The following ADARB2 variants were observed in gnomAD, a reference collection of about 807,000 sequenced individuals.
ADARB2 encodes inactive double-stranded RNA-specific editase B2.
In ADARB2, 25 loss-of-function variants were observed where a neutral mutation model predicts 62.2. The ratio of observed to expected loss-of-function variants is 0.40; its 90% CI spans 0.29 to 0.56. The LOEUF (loss-of-function observed/expected upper bound fraction) is 0.56. Among genes scored for constraint, ADARB2 ranks in the 20% least tolerant of loss-of-function variants. The pLI is 0.43. For missense variants in ADARB2, 1,071 were observed against 1,077.4 expected (o/e 0.99, Z 0.08); for synonymous variants, 572 against 500.8 (o/e 1.14, Z -1.90).
At chr10:1,241,992 A>C in intron 5 of ADARB2, 139 bp downstream of exon 5, 1 of 947,528 alleles carries the variant, frequency 1.1e-6, no homozygotes, top group Non-Finnish European at 1.5e-6. Flanking sequence ...TAGTCTGAAT[A>C]AAAAGGGATG....
chr10:1,623,513 A>G (rs1238787060), intron 1 of ADARB2, among the ~76,000 whole-genome samples: 1 of 152,126 alleles, frequency 6.6e-6, no homozygotes, highest in East Asian at 1.9e-4. Context: ...AGCCCATAGA[A>G]TTTTTGTCAC....
intron 1 of ADARB2, among the ~76,000 whole-genome samples, chr10:1,668,687 C>T (rs942926496): frequency 2.6e-5 from 4 of 152,306 alleles, no homozygotes; most frequent in African/African-American, 4.8e-5. Flanking sequence ...CACTGTTCTG[C>T]GGCACTTTAT....
chr10:1,681,787 A>G (rs1834539825), intron 1 of ADARB2, among the ~76,000 whole-genome samples: 1 of 152,050 alleles, frequency 6.6e-6, no homozygotes, highest in Non-Finnish European at 1.5e-5. Flanking sequence ...GCAATCAAAT[A>G]CCGTCACCCA....
At chr10:1,396,228 G>C (rs945390017) in intron 1 of ADARB2, among the ~76,000 whole-genome samples, 1 of 152,000 alleles carries the variant, frequency 6.6e-6, no homozygotes, top group African/African-American at 2.4e-5. Flanking sequence ...TGAGCCTCCC[G>C]ACTCTTCTCC....
At chr10:1,724,522 G>A (rs1835138101) in intron 1 of ADARB2, among the ~76,000 whole-genome samples, 1 of 152,194 alleles carries the variant, frequency 6.6e-6, no homozygotes, top group South Asian at 2.1e-4. Context: ...GAGGCTCCTT[G>A]TGTGCGCAGC....
In ADARB2 at chr10:1,242,392, TGGGTTAGGA is replaced by T. The variant is rs1459446959; in HGVS notation, c.1193-102_1193-94del. The stretch of plus-strand genomic sequence containing the variant: ...CAGGGTCTCACAACAGCGGTTTCCC[TGGGTTAGGA>T]AACCTTGGAAACACTGCGTTTTGAG... On this transcript the variant is annotated intron_variant, in intron 4 of 9. Transcript: ENST00000381312. The T allele has an allele frequency of 1.0e-4, 147 of 1,410,526 alleles. No homozygotes were observed. In the African/African-American group the frequency reaches 1.7e-3, roughly 16 times the overall value. The allele number at this position is 1,410,526 out of a possible 1,614,324, so 87.4% of individuals were successfully genotyped here.
intron 1 of ADARB2, among the ~76,000 whole-genome samples, chr10:1,721,808 G>T (rs1476801140): frequency 6.6e-6 from 1 of 152,060 alleles, no homozygotes; most frequent in East Asian, 1.9e-4. Context: ...CCAGCCCTTG[G>T]TCAGTGCTCC....
chr10:1,607,538 C>T (rs1564345286), intron 1 of ADARB2, among the ~76,000 whole-genome samples: 1 of 152,046 alleles, frequency 6.6e-6, no homozygotes, highest in African/African-American at 2.4e-5. Context: ...TCCCAGACAC[C>T]AGGCACCAGC....
chr10:1,623,075 C>G (rs79440167), intron 1 of ADARB2, among the ~76,000 whole-genome samples: 1 of 152,118 alleles, frequency 6.6e-6, no homozygotes, highest in Non-Finnish European at 1.5e-5. Context: ...GGAAGGAAGA[C>G]GTGACGTATG....
chr10:1,387,963 C>T (rs2131864394), intron 1 of ADARB2, among the ~76,000 whole-genome samples: 1 of 152,064 alleles, frequency 6.6e-6, no homozygotes, highest in Non-Finnish European at 1.5e-5. Context: ...CAATGTAATT[C>T]ACAACCTTAA....
chr10:1,736,926 C>T (rs1348751131), intron 1 of ADARB2, 125 bp downstream of exon 1: 4 of 943,860 alleles, frequency 4.2e-6, no homozygotes, highest in Non-Finnish European at 6.4e-6. Context: ...CACGGAGCAG[C>T]CATCCCGCCA....
intron 3 of ADARB2, chr10:1,292,420 G>A (rs1231625575): frequency 1.3e-5 from 2 of 152,202 alleles, no homozygotes; most frequent in Admixed American, 1.3e-4. Flanking sequence ...TAGACAAAAG[G>A]CTTGTGACCT....
chr10:1,723,997 T>C (rs1835130564), intron 1 of ADARB2, among the ~76,000 whole-genome samples: 1 of 152,216 alleles, frequency 6.6e-6, no homozygotes, highest in Non-Finnish European at 1.5e-5. Context: ...AGAAAATGTT[T>C]CCGAAGGTGA....
In ADARB2 at chr10:1,180,509, C is replaced by G. The variant is rs1324321893; in HGVS notation, c.*2684G>C. 2.0e-5 allele frequency: 3 copies of G among 152,652 alleles called. No homozygotes were observed. The highest frequency in any genetic ancestry group is 4.4e-5 in the Non-Finnish European group (3 of 68,420). The allele number at this position is 152,652 out of a possible 1,614,324, so 9.5% of individuals were successfully genotyped here. On this transcript the variant is annotated 3_prime_UTR_variant, in exon 10 of 10. Coordinates refer to ENST00000381312, the MANE Select transcript of ADARB2 (RefSeq NM_018702.4). ...CACTGTGGAATCCTAGGACCTGGCC[C>G]TTCCTGGCTGGGTCAGGCCCTGCCA...
At chr10:1,375,911 A>C (rs1832422481) in intron 2 of ADARB2, among the ~76,000 whole-genome samples, 1 of 148,834 alleles carries the variant, frequency 6.7e-6, no homozygotes, top group African/African-American at 2.5e-5. Context: ...CACATACCAC[A>C]CTTGCCACAC....
At chr10:1,376,452 C>T (rs959589688) in intron 2 of ADARB2, among the ~76,000 whole-genome samples, 13 of 152,190 alleles carry the variant, frequency 8.5e-5, no homozygotes, top group Non-Finnish European at 1.8e-4. Context: ...TCCAGAAAGT[C>T]CAGAAAGTCT....
At chr10:1,273,822 C>T (rs1831287820) in intron 3 of ADARB2, among the ~76,000 whole-genome samples, 1 of 152,194 alleles carries the variant, frequency 6.6e-6, no homozygotes, top group Admixed American at 6.5e-5. Flanking sequence ...CCTGCCAGGA[C>T]CTCCCGCATC....
chr10:1,507,108 C>A (rs1226795136), intron 1 of ADARB2, among the ~76,000 whole-genome samples: 1 of 152,246 alleles, frequency 6.6e-6, no homozygotes, highest in Non-Finnish European at 1.5e-5. Flanking sequence ...GAGACAGAAG[C>A]ACTTCTGAGT....
intron 3 of ADARB2, among the ~76,000 whole-genome samples, chr10:1,278,427 C>T (rs1831339937): frequency 6.6e-6 from 1 of 151,772 alleles, no homozygotes; most frequent in African/African-American, 2.4e-5. Flanking sequence ...AACCCCCTCC[C>T]TCCCCACCAG....
Sources: allele counts gnomAD v4.1 joint callset (sites outside exome capture counted in the v4.1 genomes callset), GRCh38; gene constraint gnomAD v4.1.1; transcripts MANE v1.5; gene names NCBI Gene and HGNC (gene_info 2026-07-23, HGNC 2026-07-21).